Variants in CLDN1 observed in about 807,000 individuals in gnomAD.
The protein encoded by CLDN1 is claudin 1.
CLDN1 carries 12 observed loss-of-function variants against 22.6 expected under a neutral mutation model. The ratio of observed to expected loss-of-function variants is 0.53; its 90% confidence interval spans 0.34 to 0.86. The LOEUF is 0.86. Ranked by LOEUF, CLDN1 falls within the 40% of genes least tolerant of loss-of-function variation. CLDN1 has a pLI of 0.02. For synonymous variants in CLDN1, 99 were observed against 103.8 expected (o/e 0.95, Z 0.28); for missense variants, 250 against 269.5 (o/e 0.93, Z 0.51).
rs560462149 is a variant in CLDN1, at chr3:190,316,478, C to T, written c.224-3442G>A. 9.2e-5 allele frequency among the ~76,000 whole-genome samples: 14 copies of T among 152,212 alleles called. No homozygotes were observed. The East Asian group carries it at 9.6e-4, about 10-fold the overall frequency. ...ACAGCACGAAAACTCACAAGCAAGG[C>T]GTAGGTAATGATAGGTTACCAGTCA... On this transcript the variant is annotated intron_variant, in intron 1 of 3. Transcript: ENST00000295522.
At chr3:190,319,626 G>T (rs2108614617) in intron 1 of CLDN1, among the ~76,000 whole-genome samples, 1 of 152,328 alleles carries the variant, frequency 6.6e-6, no homozygotes, top group Middle Eastern at 3.4e-3. Flanking sequence ...GGGAAGACAA[G>T]TGTGCTCTAC....
At chr3:190,310,874 C>A (rs547112120) in intron 2 of CLDN1, among the ~76,000 whole-genome samples, 1 of 152,296 alleles carries the variant, frequency 6.6e-6, no homozygotes, top group African/African-American at 2.4e-5. Context: ...CTCAATTTCC[C>A]ATGGCATTTT....
intron 1 of CLDN1, among the ~76,000 whole-genome samples, chr3:190,317,045 A>G (rs1553801158): frequency 6.6e-6 from 1 of 152,204 alleles, no homozygotes; most frequent in Non-Finnish European, 1.5e-5. Flanking sequence ...TGGAATGATG[A>G]GTGGCAGAGC....
chr3:190,316,554 A>C (rs932700398), intron 1 of CLDN1, among the ~76,000 whole-genome samples: 2 of 152,196 alleles, frequency 1.3e-5, no homozygotes, highest in African/African-American at 4.8e-5. Flanking sequence ...GTGCAGATCA[A>C]ATCTAAATTG....
At chr3:190,321,208 T>G (rs1282183373) in intron 1 of CLDN1, among the ~76,000 whole-genome samples, 1 of 152,218 alleles carries the variant, frequency 6.6e-6, no homozygotes, top group Admixed American at 6.5e-5. Context: ...TCAGTGCCTT[T>G]ACTTTTTTCT....
At chr3:190,319,027 T>C (rs1716844130) in intron 1 of CLDN1, among the ~76,000 whole-genome samples, 1 of 152,136 alleles carries the variant, frequency 6.6e-6, no homozygotes, top group South Asian at 2.1e-4. Context: ...GTCTGGTGCT[T>C]GGATCTTCCC....
In CLDN1 at chr3:190,309,822, G is replaced by A. The variant is rs116669082; in HGVS notation, c.473+347C>T. On this transcript the variant is annotated intron_variant, in intron 3 of 3. Transcript: ENST00000295522. ...TGTGCATTAGTTACAAATAATCTTA[G>A]GTAGGTGTTGTAAACATCAGAATAC... Among the ~76,000 whole-genome samples, 851 of 152,130 alleles carry A rather than the reference G, an allele frequency of 5.6e-3. 5 individuals carry two copies. Among genetic ancestry groups the A allele is most frequent in the African/African-American group, 0.018 (753 of 41,496 alleles).
In CLDN1 at chr3:190,308,079, A is replaced by T. The variant is rs1482248470; in HGVS notation, c.*198T>A. The T allele has an allele frequency of 1.2e-5, 7 of 604,204 alleles. No homozygotes were observed. The East Asian group carries it at 2.3e-4, about 20-fold the overall frequency. 37.4% of individuals were successfully genotyped at this position (604,204 alleles called of 1,614,324 possible). On this transcript the variant is annotated 3_prime_UTR_variant, in exon 4 of 4. Coordinates refer to ENST00000295522, the MANE Select transcript of CLDN1 (RefSeq NM_021101.5). ...TGGAAAAATCTTCCCTCCTATATTG[A>T]GGAAAGAAGATAAAATAAGATTAAG...
chr3:190,320,348 A>G (rs377151266), intron 1 of CLDN1, among the ~76,000 whole-genome samples: 2 of 152,178 alleles, frequency 1.3e-5, no homozygotes, highest in Admixed American at 1.3e-4. Context: ...CCACCTGCCA[A>G]TTCCTTAACG....
Position 190,313,747 on chromosome 3 carries a change from G to A in CLDN1, c.224-711C>T, listed in dbSNP as rs61190518. 8.0e-3 allele frequency among the ~76,000 whole-genome samples: 1,223 copies of A among 152,216 alleles called. 14 individuals are homozygous for A. Among genetic ancestry groups the A allele is most frequent in the African/African-American group, 0.028 (1,161 of 41,532 alleles). On this transcript the variant is annotated intron_variant, in intron 1 of 3. Coordinates refer to ENST00000295522, the MANE Select transcript of CLDN1 (RefSeq NM_021101.5). ...ATTTAAGCTGCCATGTTGTAAAATA[G>A]CACACACAATAATTCAATGTAGTGT...
chr3:190,310,324 C>T, intron 2 of CLDN1, 71 bp from the exon 3 acceptor site: 1 of 1,172,084 alleles, frequency 8.5e-7, no homozygotes. Flanking sequence ...ACCTGTTAAA[C>T]CAAAACATAT....
At chr3:190,319,797 A>G (rs1457509894) in intron 1 of CLDN1, among the ~76,000 whole-genome samples, 2 of 152,222 alleles carry the variant, frequency 1.3e-5, no homozygotes, top group Admixed American at 6.5e-5. Context: ...AAACCAGCCA[A>G]TGAATCACCA....
intron 2 of CLDN1, among the ~76,000 whole-genome samples, chr3:190,311,332 A>T (rs1312430473): frequency 6.6e-6 from 1 of 152,206 alleles, no homozygotes; most frequent in Non-Finnish European, 1.5e-5. Context: ...GCAGCCTTTG[A>T]TATAAGAGTA....
intron 1 of CLDN1, among the ~76,000 whole-genome samples, chr3:190,315,156 ATG>A: frequency 6.6e-6 from 1 of 152,318 alleles, no homozygotes; most frequent in South Asian, 2.1e-4. Flanking sequence ...CAGATTTCAG[ATG>A]TGGTCCTAAG....
At chr3:190,313,664 T>C in intron 1 of CLDN1, among the ~76,000 whole-genome samples, 1 of 152,186 alleles carries the variant, frequency 6.6e-6, no homozygotes, top group East Asian at 1.9e-4. Context: ...CTTTGAGATG[T>C]TACCTTGGGA....
intron 1 of CLDN1, among the ~76,000 whole-genome samples, chr3:190,320,169 A>C (rs768691696): frequency 6.6e-6 from 1 of 152,268 alleles, no homozygotes; most frequent in Non-Finnish European, 1.5e-5. Flanking sequence ...ACACATTATC[A>C]TGTGTAAGGA....
At position 190,306,881 on chromosome 3, in the gene CLDN1, A is replaced by G. The variant is rs1216910438; in HGVS notation, c.*1396T>C. ...TCAGTGGAAATAGACTGGTAGAGAG[A>G]GGAAGGCACTGAACCACATGAAGGT... On this transcript the variant is annotated 3_prime_UTR_variant, in exon 4 of 4. Transcript: ENST00000295522. 2.0e-5 allele frequency: 3 copies of G among 152,698 alleles called. No homozygotes were observed. The highest frequency in any genetic ancestry group is 7.2e-5 in the African/African-American group (3 of 41,452). 9.5% of individuals were successfully genotyped at this position (152,698 alleles called of 1,614,324 possible). A position where few individuals can be genotyped will look rare whatever the true frequency, so the allele number is the denominator to read the frequency against.
chr3:190,312,933 T>G lies in CLDN1; in HGVS notation c.327A>C (p.Glu109Asp). The G allele has an allele frequency of 6.2e-7, 1 of 1,614,208 alleles. No homozygotes were observed. Among genetic ancestry groups the G allele is most frequent in the East Asian group, 2.2e-5 (1 of 44,880 alleles). The stretch of plus-strand genomic sequence containing the variant: ...TCCTCATCTTCTGCACCTCATCGTC[T>G]TCCAAGCACTTCATACACTTCATGC... ...TVGMKCMKCL[E>D]DDEVQKMRMA... Residue 109 changes from glutamate to aspartate, a missense_variant, in exon 2 of 4, where the codon GAA (glutamate) becomes GAC (aspartate). Transcript: ENST00000295522.
At position 190,308,318 on chromosome 3, in the gene CLDN1, A is replaced by T. The variant is rs1426821802; in HGVS notation, c.595T>A (p.Tyr199Asn). 1.9e-6 allele frequency: 3 copies of T among 1,613,816 alleles called. No homozygotes were observed. The highest frequency in any genetic ancestry group is 2.5e-6 in the Non-Finnish European group (3 of 1,179,822). Residue 199 changes from tyrosine (Y) to asparagine (N), a missense_variant, in exon 4 of 4, where the codon TAT (tyrosine) becomes AAT (asparagine). Coordinates refer to ENST00000295522, the MANE Select transcript of CLDN1 (RefSeq NM_021101.5). The stretch of plus-strand genomic sequence containing the variant: ...CCGCTGGAAGGTGCAGGTTTTGGAT[A>T]GGGCCTTGGTGTTGGGTAAGAGGTT... ...KTTSYPTPRP[Y>N]PKPAPSSGKD...
Sources: gnomAD v4.1 joint callset for allele counts (sites outside exome capture counted in the v4.1 genomes callset) on GRCh38, gnomAD v4.1.1 for gene constraint, MANE v1.5 for transcripts, NCBI Gene and HGNC (gene_info 2026-07-23, HGNC 2026-07-21) for gene names.